The following SPSB1 variants were observed in gnomAD, a reference collection of about 807,000 sequenced individuals.
SPSB1 encodes splA/ryanodine receptor domain and SOCS box containing 1, also known as SPRY domain-containing SOCS box protein 1.
A neutral mutation model predicts 21.2 loss-of-function variants in SPSB1; 8 were observed. That is an observed-to-expected ratio of 0.38 (90% CI 0.22 to 0.68). The LOEUF (loss-of-function observed/expected upper bound fraction) is 0.68. SPSB1 is among the 30% of genes least tolerant of loss of function. The pLI is 0.53. For synonymous variants in SPSB1, 169 were observed against 161.7 expected, an observed-to-expected ratio of 1.05 and a Z score of -0.34; for missense variants, 242 against 377.8, an observed-to-expected ratio of 0.64 and a Z score of 2.98.
At chr1:9,337,854 G>C (rs550518231) in intron 1 of SPSB1, among the ~76,000 whole-genome samples, 1 of 152,348 alleles carries the variant, frequency 6.6e-6, no homozygotes, top group East Asian at 1.9e-4. Context: ...TCTAGCCGAA[G>C]ATCAGCATGG....
At chr1:9,309,732 C>T (rs930376608) in intron 1 of SPSB1, among the ~76,000 whole-genome samples, 1 of 152,162 alleles carries the variant, frequency 6.6e-6, no homozygotes, top group Non-Finnish European at 1.5e-5. Flanking sequence ...AATCCCACTA[C>T]TTGGGAGGCT....
chr1:9,357,454 A>G (rs1640391729), intron 2 of SPSB1, among the ~76,000 whole-genome samples: 1 of 152,214 alleles, frequency 6.6e-6, no homozygotes, highest in Non-Finnish European at 1.5e-5. Flanking sequence ...ATTCTAGCCC[A>G]GTTGCCAGCA....
At chr1:9,316,723 G>A (rs948443697) in intron 1 of SPSB1, among the ~76,000 whole-genome samples, 3 of 152,200 alleles carry the variant, frequency 2.0e-5, no homozygotes, top group African/African-American at 7.2e-5. Flanking sequence ...TCAGGACCAC[G>A]GCTGCTTCTC....
intron 1 of SPSB1, among the ~76,000 whole-genome samples, chr1:9,344,246 G>A (rs760717493): frequency 6.6e-6 from 1 of 152,104 alleles, no homozygotes; most frequent in Non-Finnish European, 1.5e-5. Context: ...TAGAATGCAG[G>A]CTGCCCCGTG....
At chr1:9,336,595 G>A (rs938629710) in intron 1 of SPSB1, among the ~76,000 whole-genome samples, 1 of 152,170 alleles carries the variant, frequency 6.6e-6, no homozygotes, top group Admixed American at 6.5e-5. Flanking sequence ...TCCTCTGCCC[G>A]CGTGCGTTCA....
At chr1:9,353,349 A>G (rs11121383) in intron 1 of SPSB1, among the ~76,000 whole-genome samples, 58,531 of 152,046 alleles carry the variant, frequency 0.38, 12,784 homozygotes, top group South Asian at 0.56. Context: ...CTTGAGGCGC[A>G]GGCCCCAAAG....
At chr1:9,325,891 C>T (rs1639809306) in intron 1 of SPSB1, among the ~76,000 whole-genome samples, 1 of 152,086 alleles carries the variant, frequency 6.6e-6, no homozygotes, top group Admixed American at 6.5e-5. Context: ...AGGCAGAGGA[C>T]TTGGGAAGTA....
At position 9,334,947 on chromosome 1, in the gene SPSB1, C is replaced by T. The variant is rs187518374; in HGVS notation, c.-149-20796C>T. Among the ~76,000 whole-genome samples, 5 of 152,224 alleles carry T rather than the reference C, an allele frequency of 3.3e-5. No homozygotes were observed. In the East Asian group the frequency reaches 9.6e-4, roughly 29 times the overall value. On this transcript the variant is annotated intron_variant, in intron 1 of 2. Transcript: ENST00000328089. ...CATTTTGCTTCTTTGTTCATCTGTC[C>T]GTGGACGCGGGTTGCTTGCACCTTT...
chr1:9,314,188 C>A (rs200658561), intron 1 of SPSB1, among the ~76,000 whole-genome samples: 4,327 of 139,362 alleles, frequency 0.031, 94 homozygotes, highest in Non-Finnish European at 0.045. Flanking sequence ...AAAAAAAAAA[C>A]AAAAAACAAA....
At chr1:9,314,826 C>G (rs544771263) in intron 1 of SPSB1, among the ~76,000 whole-genome samples, 1 of 152,164 alleles carries the variant, frequency 6.6e-6, no homozygotes, top group Non-Finnish European at 1.5e-5. Flanking sequence ...CACATGCCCC[C>G]CGGGGTCAGG....
At chr1:9,360,581 G>C (rs1216583167) in intron 2 of SPSB1, among the ~76,000 whole-genome samples, 1 of 152,086 alleles carries the variant, frequency 6.6e-6, no homozygotes, top group Non-Finnish European at 1.5e-5. Flanking sequence ...GCCTCCCCTC[G>C]CCCCTGGGGG....
chr1:9,324,225 A>G lies in SPSB1; in HGVS notation c.-150+31154A>G, dbSNP rs574202846. Among the ~76,000 whole-genome samples, 1 of 152,314 alleles carries G rather than the reference A, an allele frequency of 6.6e-6. No homozygotes were observed. Among genetic ancestry groups the G allele is most frequent in the East Asian group, 1.9e-4 (1 of 5,186 alleles). On this transcript the variant is annotated intron_variant, in intron 1 of 2. Coordinates refer to ENST00000328089, the MANE Select transcript of SPSB1 (RefSeq NM_025106.4). The surrounding 1 kb of genome is among the most constrained non-coding windows in gnomAD (Gnocchi z 4.3). The stretch of plus-strand genomic sequence containing the variant: ...CCTCTGACGCAGCTGGAATGGGCCT[A>G]GGTGGGAGGGACTTTGTCTTTACTA...
chr1:9,328,583 G>A (rs1262309220), intron 1 of SPSB1, among the ~76,000 whole-genome samples: 3 of 152,192 alleles, frequency 2.0e-5, no homozygotes, highest in Non-Finnish European at 4.4e-5. Flanking sequence ...CATCTCGTTC[G>A]GGGTAACCCA....
rs1378604059 is a variant in SPSB1 at position 9,293,097 on chromosome 1, C to T, written c.-150+26C>T. The T allele has an allele frequency of 1.0e-6, 1 of 977,568 alleles. No homozygotes were observed. Among genetic ancestry groups the T allele is most frequent in the East Asian group, 1.2e-4 (1 of 8,616 alleles). 60.6% of individuals were successfully genotyped at this position (977,568 alleles called of 1,614,324 possible). On this transcript the variant is annotated intron_variant, in intron 1 of 2. Coordinates refer to ENST00000328089, the MANE Select transcript of SPSB1 (RefSeq NM_025106.4). The surrounding 1 kb of genome is among the most constrained non-coding windows in gnomAD (Gnocchi z 5.1). ...GTAGGCGGCGCGGGGCACCTGGGACCCCGATGGGTGGGCGACCGGCCCGGG... is the reference window on the plus strand; with the variant it reads ...GTAGGCGGCGCGGGGCACCTGGGACTCCGATGGGTGGGCGACCGGCCCGGG...
chr1:9,297,390 G>A (rs1639243342), intron 1 of SPSB1, among the ~76,000 whole-genome samples: 1 of 152,108 alleles, frequency 6.6e-6, no homozygotes, highest in Admixed American at 6.6e-5. Context: ...AGGGCTTGAC[G>A]GGTGCCCCAG....
Position 9,361,156 on chromosome 1 carries a change from C to CTTTTTTTTTTTTTTTTTTTTTTTTTT in SPSB1, c.694+4573_694+4598dup, listed in dbSNP as rs57871457. ...CAGGCATGGCTGGATCTGTCATTTT[C>CTTTTTTTTTTTTTTTTTTTTTTTTTT]TTTTTTTTTTTTTTTTTTTTTTTTT... On this transcript the variant is annotated intron_variant, in intron 2 of 2. Transcript: ENST00000328089. 2.9e-5 allele frequency among the ~76,000 whole-genome samples: 3 copies of CTTTTTTTTTTTTTTTTTTTTTTTTTT among 102,572 alleles called. 1 individual carries two copies. In the Admixed American group the frequency reaches 3.1e-4, roughly 10 times the overall value. 67.3% of individuals were successfully genotyped at this position (102,572 alleles called of 152,430 possible).
rs71580083 is a variant in SPSB1, at chr1:9,359,705, G to GGAA, written c.694+3120_694+3121insGAA. On this transcript the variant is annotated intron_variant, in intron 2 of 2. Coordinates refer to ENST00000328089, the MANE Select transcript of SPSB1 (RefSeq NM_025106.4). ...CAACAGAGCAAGACTCCGTCTCTGG[G>GGAA]AAAAAAAAAAAAAAAAGTATCATTC... Among the ~76,000 whole-genome samples, 364 of 131,186 alleles carry GGAA rather than the reference G, an allele frequency of 2.8e-3. 2 individuals are homozygous for GGAA. The highest frequency in any genetic ancestry group is 0.019 in the Admixed American group (250 of 12,924). The allele number at this position is 131,186 out of a possible 152,430, so 86.1% of individuals were successfully genotyped here.
intron 1 of SPSB1, among the ~76,000 whole-genome samples, chr1:9,352,349 A>G (rs1299374): frequency 0.82 from 125,028 of 152,154 alleles, 51,385 homozygotes; most frequent in East Asian, 0.96. Context: ...AATGCCTGCT[A>G]CAGCCCCACA....
In SPSB1 at chr1:9,324,115, A is replaced by G. The variant is rs1472324844; in HGVS notation, c.-150+31044A>G. On this transcript the variant is annotated intron_variant, in intron 1 of 2. Coordinates refer to ENST00000328089, the MANE Select transcript of SPSB1 (RefSeq NM_025106.4). The surrounding 1 kb of genome is among the most constrained non-coding windows in gnomAD (Gnocchi z 4.3). The stretch of plus-strand genomic sequence containing the variant: ...CCCCACCTTTTTTCCTAGGTTTTTC[A>G]GTCCATATCTTTTTTTGTGTGCCAA... 6.6e-6 allele frequency among the ~76,000 whole-genome samples: 1 copy of G among 152,080 alleles called. No homozygotes were observed. Among genetic ancestry groups the G allele is most frequent in the Non-Finnish European group, 1.5e-5 (1 of 68,018 alleles).
Sources: allele counts gnomAD v4.1 joint callset (sites outside exome capture counted in the v4.1 genomes callset), GRCh38; gene constraint gnomAD v4.1.1; non-coding constraint Gnocchi (gnomAD v3.1); transcripts MANE v1.5; gene names NCBI Gene and HGNC (gene_info 2026-07-23, HGNC 2026-07-21).